Variants in VPS13B observed in about 807,000 individuals in gnomAD.
VPS13B encodes intermembrane lipid transfer protein VPS13B.
VPS13B carries 285 observed loss-of-function variants against 426.4 expected under a neutral mutation model. The ratio of observed to expected loss-of-function variants is 0.67; its 90% CI spans 0.61 to 0.74. VPS13B has a LOEUF of 0.74. VPS13B is among the 30% of genes least tolerant of loss of function. The probability of loss-of-function intolerance (pLI) is 0.00; values close to 1 mark genes in which losing one functional copy is unlikely to be tolerated. For missense variants in VPS13B, 4,537 were observed against 4,782.6 expected (o/e 0.95, Z 1.51); for synonymous variants, 1,676 against 1,676.4 (o/e 1.00, Z 0.01).
At chr8:99,016,978 C>CA (rs1400454669) in intron 2 of VPS13B, among the ~76,000 whole-genome samples, 1 of 152,142 alleles carries the variant, frequency 6.6e-6, no homozygotes, top group African/African-American at 2.4e-5. Context: ...TCTCTTTACT[C>CA]ATAAAGGTGT....
At chr8:99,229,649 C>A (rs1189986328) in intron 17 of VPS13B, among the ~76,000 whole-genome samples, 1 of 151,948 alleles carries the variant, frequency 6.6e-6, no homozygotes, top group Non-Finnish European at 1.5e-5. Context: ...TATAAAGGAC[C>A]GTTACGGGCA....
At chr8:99,812,603 A>G (rs2130795661) in intron 44 of VPS13B, among the ~76,000 whole-genome samples, 1 of 152,296 alleles carries the variant, frequency 6.6e-6, no homozygotes, top group Non-Finnish European at 1.5e-5. Context: ...CCTCAATTGA[A>G]TGAAAATTGA....
At chr8:99,014,787 G>A (rs1054367118) in intron 2 of VPS13B, among the ~76,000 whole-genome samples, 3 of 151,638 alleles carry the variant, frequency 2.0e-5, no homozygotes, top group Non-Finnish European at 4.4e-5. Flanking sequence ...ATTGAGAATG[G>A]CAGTAAAATT....
intron 6 of VPS13B, among the ~76,000 whole-genome samples, chr8:99,113,829 C>CT (rs1469939025): frequency 6.6e-6 from 1 of 152,182 alleles, no homozygotes; most frequent in Non-Finnish European, 1.5e-5. Context: ...TCCCAAAGTG[C>CT]TGGGATTACA....
In VPS13B at chr8:99,596,743, G is replaced by A. The variant is rs575047171; in HGVS notation, c.5220+19110G>A. ...CCAGCTCCAAGTGAGGCTGAGAAATGTAGTCTTTTTTCTTTTATTCTGCCT... is the reference window on the plus strand; with the variant it reads ...CCAGCTCCAAGTGAGGCTGAGAAATATAGTCTTTTTTCTTTTATTCTGCCT... On this transcript the variant is annotated intron_variant, in intron 33 of 61. Transcript: ENST00000357162. Among the ~76,000 whole-genome samples the A allele has an allele frequency of 7.2e-5, 11 of 152,160 alleles. No individual in the cohort carries two copies. The South Asian group carries it at 2.3e-3, about 32-fold the overall frequency.
chr8:99,289,490 C>G (rs182626476), intron 19 of VPS13B, among the ~76,000 whole-genome samples: 88 of 152,078 alleles, frequency 5.8e-4, no homozygotes, highest in African/African-American at 2.0e-3. Flanking sequence ...ACTTTGGGCT[C>G]AAGTTGAGAA....
chr8:99,455,930 TA>T (rs1470899582), intron 23 of VPS13B, among the ~76,000 whole-genome samples: 3 of 152,246 alleles, frequency 2.0e-5, no homozygotes, highest in Non-Finnish European at 4.4e-5. Flanking sequence ...TAGGTACATG[TA>T]TTTGTATGGA....
At chr8:99,333,656 T>C (rs1038519599) in intron 19 of VPS13B, among the ~76,000 whole-genome samples, 5 of 151,904 alleles carry the variant, frequency 3.3e-5, no homozygotes, top group African/African-American at 1.2e-4. Flanking sequence ...ACATCTACTT[T>C]CCTTCTGCTT....
chr8:99,438,630 C>G (rs1296866355), intron 22 of VPS13B, among the ~76,000 whole-genome samples: 1 of 152,004 alleles, frequency 6.6e-6, no homozygotes, highest in African/African-American at 2.4e-5. Context: ...AGGATGACAA[C>G]CAAGACAACC....
chr8:99,086,952 T>C (rs1180196690), intron 3 of VPS13B, among the ~76,000 whole-genome samples: 1 of 152,152 alleles, frequency 6.6e-6, no homozygotes, highest in Non-Finnish European at 1.5e-5. Flanking sequence ...TCTGCAGCTG[T>C]GTGCTGGGAG....
chr8:99,478,458 T>TTTTG (rs1819844454), intron 24 of VPS13B, among the ~76,000 whole-genome samples: 1 of 133,304 alleles, frequency 7.5e-6, no homozygotes, highest in Non-Finnish European at 1.5e-5. Context: ...TTTTTTTTTT[T>TTTTG]TTTTTTTGTT....
At position 99,826,288 on chromosome 8, in the gene VPS13B, C is replaced by A. The variant is rs1588753140; in HGVS notation, c.9330+2310C>A. Among the ~76,000 whole-genome samples the A allele has an allele frequency of 3.3e-5, 5 of 152,288 alleles. 1 individual carries two copies. The South Asian group carries it at 1.0e-3, about 32-fold the overall frequency. ...TTCTCCTTGAAGAGGTCCTTCACAT[C>A]CCTTGTAAGTTGGATTCCTAGGTAT... On this transcript the variant is annotated intron_variant, in intron 51 of 61. Coordinates refer to ENST00000357162, the MANE Select transcript of VPS13B (RefSeq NM_152564.5).
chr8:99,775,801 G>A (rs1024575744), intron 40 of VPS13B, among the ~76,000 whole-genome samples: 6 of 152,162 alleles, frequency 3.9e-5, no homozygotes. Flanking sequence ...GGGAGGCTGA[G>A]GCAGGAGAAT....
chr8:99,705,078 G>T (rs1832444911), intron 36 of VPS13B, among the ~76,000 whole-genome samples: 1 of 152,010 alleles, frequency 6.6e-6, no homozygotes, highest in South Asian at 2.1e-4. Flanking sequence ...TATTAATCCT[G>T]GTCAGATTCC....
chr8:99,031,918 C>G (rs962723431), intron 2 of VPS13B, among the ~76,000 whole-genome samples: 1 of 152,266 alleles, frequency 6.6e-6, no homozygotes, highest in Non-Finnish European at 1.5e-5. Flanking sequence ...ACTGCAGCAA[C>G]TTGGATCCTG....
intron 19 of VPS13B, among the ~76,000 whole-genome samples, chr8:99,309,337 C>G (rs566549891): frequency 6.6e-5 from 10 of 152,244 alleles, no homozygotes; most frequent in African/African-American, 2.4e-4. Flanking sequence ...AGTCTTTAAT[C>G]CATCGTGAAT....
At chr8:99,423,910 A>C (rs1383147888) in intron 21 of VPS13B, among the ~76,000 whole-genome samples, 1 of 152,082 alleles carries the variant, frequency 6.6e-6, no homozygotes, top group Non-Finnish European at 1.5e-5. Flanking sequence ...AGAGTTCCTT[A>C]GATGTTTATT....
chr8:99,129,124 G>C (rs1809611092), intron 8 of VPS13B, among the ~76,000 whole-genome samples: 1 of 151,794 alleles, frequency 6.6e-6, no homozygotes, highest in Admixed American at 6.6e-5. Context: ...TTTAAAGTTT[G>C]GGCAAAAATT....
At chr8:99,028,942 G>C (rs867664356) in intron 2 of VPS13B, among the ~76,000 whole-genome samples, 2 of 140,138 alleles carry the variant, frequency 1.4e-5, no homozygotes, top group Non-Finnish European at 3.1e-5. Context: ...CTTCCCAGAC[G>C]GGGTGGCTGC....
Sources: gnomAD v4.1 joint callset for allele counts (sites outside exome capture counted in the v4.1 genomes callset) on GRCh38, gnomAD v4.1.1 for gene constraint, MANE v1.5 for transcripts, NCBI Gene and HGNC (gene_info 2026-07-23, HGNC 2026-07-21) for gene names.